The following STON2 variants were observed in gnomAD, a reference collection of about 807,000 sequenced individuals.
The protein encoded by STON2 is stonin-2.
A neutral mutation model predicts 65.7 loss-of-function variants in STON2; 29 were observed. That is an observed-to-expected ratio of 0.44 (90% CI 0.33 to 0.60). The LOEUF is 0.60. STON2 is among the 20% of genes least tolerant of loss of function. The pLI is 0.03. For missense variants in STON2, 1,054 were observed against 1,118.1 expected (o/e 0.94, Z 0.82); for synonymous variants, 404 against 414.2 (o/e 0.98, Z 0.30).
intron 5 of STON2, among the ~76,000 whole-genome samples, chr14:81,299,313 G>A (rs1289348260): frequency 6.6e-6 from 1 of 152,178 alleles, no homozygotes; most frequent in Non-Finnish European, 1.5e-5. Flanking sequence ...TACATTAACT[G>A]TAATAGTAAT....
chr14:81,300,312 A>C (rs1252132270), intron 5 of STON2, among the ~76,000 whole-genome samples: 1 of 152,086 alleles, frequency 6.6e-6, no homozygotes, highest in Non-Finnish European at 1.5e-5. Context: ...ACAGATCTAC[A>C]AGAAAGCCAA....
intron 1 of STON2, among the ~76,000 whole-genome samples, chr14:81,399,139 T>C (rs1162551750): frequency 1.3e-5 from 2 of 152,210 alleles, no homozygotes; most frequent in African/African-American, 2.4e-5. Flanking sequence ...GGAACATCTG[T>C]GGTAGTGAAA....
Position 81,262,630 on chromosome 14 carries a change from G to C in STON2, c.*5784C>G. 1.0e-6 allele frequency: 1 copy of C among 985,328 alleles called. No individual in the cohort carries two copies. Among genetic ancestry groups the C allele is most frequent in the East Asian group, 1.1e-4 (1 of 8,806 alleles). The allele number at this position is 985,328 out of a possible 1,614,324, so 61.0% of individuals were successfully genotyped here. On this transcript the variant is annotated 3_prime_UTR_variant, in exon 8 of 8. Coordinates refer to ENST00000614646, the MANE Select transcript of STON2 (RefSeq NM_001394390.1). The stretch of plus-strand genomic sequence containing the variant: ...TCCAATGATCATTTGCCTCTCTCCA[G>C]GCACTACCAAACTCATTACTGTGGA...
intron 4 of STON2, among the ~76,000 whole-genome samples, 184 bp downstream of exon 4, chr14:81,370,804 G>A (rs1026949206): frequency 2.0e-5 from 3 of 152,190 alleles, no homozygotes; most frequent in Non-Finnish European, 4.4e-5. Flanking sequence ...GATCCAATTT[G>A]TGTATACATC....
chr14:81,362,477 T>G (rs1898537022), intron 4 of STON2, among the ~76,000 whole-genome samples: 1 of 152,094 alleles, frequency 6.6e-6, no homozygotes, highest in Non-Finnish European at 1.5e-5. Flanking sequence ...TACCAGAGCC[T>G]AGGGAGATGC....
At chr14:81,293,114 G>A (rs879668324) in intron 5 of STON2, among the ~76,000 whole-genome samples, 19 of 151,934 alleles carry the variant, frequency 1.3e-4, no homozygotes, top group Middle Eastern at 3.4e-3. Context: ...GATAGTGGGG[G>A]CTAAGTTATT....
intron 4 of STON2, among the ~76,000 whole-genome samples, chr14:81,351,178 CTT>C (rs370421507): frequency 7.0e-5 from 9 of 127,914 alleles, no homozygotes; most frequent in African/African-American, 8.7e-5. Context: ...GTAAGCTCTT[CTT>C]TTTTTTTTTT....
At chr14:81,405,179 C>T (rs1183513767), upstream of STON2, among the ~76,000 whole-genome samples, 18 of 152,062 alleles carry the variant, frequency 1.2e-4, no homozygotes, top group Non-Finnish European at 4.4e-5. Context: ...TGTTTTTCTG[C>T]CCCTTTTCCA....
intron 1 of STON2, among the ~76,000 whole-genome samples, chr14:81,434,955 C>T (rs985027789): frequency 2.6e-5 from 4 of 151,274 alleles, no homozygotes; most frequent in Non-Finnish European, 4.4e-5. Flanking sequence ...AGTTTTTTTT[C>T]TCTCTCTCTC....
chr14:81,330,026 T>A (rs999143809), intron 4 of STON2, among the ~76,000 whole-genome samples: 78 of 152,310 alleles, frequency 5.1e-4, no homozygotes, highest in Non-Finnish European at 1.8e-4. Context: ...ATTAACACCA[T>A]CCCACGTTGG....
intron 4 of STON2, among the ~76,000 whole-genome samples, chr14:81,327,590 T>C (rs1474710954): frequency 6.6e-6 from 1 of 152,198 alleles, no homozygotes; most frequent in Admixed American, 6.5e-5. Context: ...AATCAATGCC[T>C]TGGTATTATT....
chr14:81,342,218 T>C (rs1943449598), intron 4 of STON2, among the ~76,000 whole-genome samples: 1 of 151,070 alleles, frequency 6.6e-6, no homozygotes, highest in Non-Finnish European at 1.5e-5. Flanking sequence ...CATTGCAACC[T>C]CTGCCTCCCA....
chr14:81,287,664 C>T (rs907856276), intron 5 of STON2, among the ~76,000 whole-genome samples: 7 of 152,150 alleles, frequency 4.6e-5, no homozygotes, highest in Admixed American at 2.6e-4. Flanking sequence ...GGACTATCCC[C>T]AGTTTATTCC....
chr14:81,399,588 G>C (rs1900500191), intron 1 of STON2, among the ~76,000 whole-genome samples: 1 of 152,110 alleles, frequency 6.6e-6, no homozygotes, highest in Non-Finnish European at 1.5e-5. Flanking sequence ...TGCTTTTTTG[G>C]TGTTTAAAAC....
intron 3 of STON2, among the ~76,000 whole-genome samples, chr14:81,383,606 T>C (rs1453473981): frequency 6.6e-6 from 1 of 152,124 alleles, no homozygotes; most frequent in Non-Finnish European, 1.5e-5. Flanking sequence ...ACCTTCAAAA[T>C]ACATCTGGAA....
intron 3 of STON2, among the ~76,000 whole-genome samples, chr14:81,391,345 A>G (rs975293683): frequency 3.3e-5 from 5 of 152,228 alleles, no homozygotes; most frequent in Non-Finnish European, 7.3e-5. Flanking sequence ...CATGCATTCA[A>G]ACATTTTGGA....
At position 81,261,770 on chromosome 14, in the gene STON2, G is replaced by A; in HGVS notation, c.*6644C>T. 6.6e-7 allele frequency: 1 copy of A among 1,510,156 alleles called. No individual in the cohort carries two copies. Among genetic ancestry groups the A allele is most frequent in the South Asian group, 1.3e-5 (1 of 79,306 alleles). 93.5% of individuals were successfully genotyped at this position (1,510,156 alleles called of 1,614,324 possible). On this transcript the variant is annotated 3_prime_UTR_variant, in exon 8 of 8. Transcript: ENST00000614646. ...ACATCTATTTTGGAGACCTGTCTGT[G>A]CCTCTTCATGCTCACACCATTGTTC...
chr14:81,290,327 C>T (rs1895504830), intron 5 of STON2, among the ~76,000 whole-genome samples: 1 of 152,130 alleles, frequency 6.6e-6, no homozygotes, highest in African/African-American at 2.4e-5. Flanking sequence ...TCATTTTGAA[C>T]CTTAGTGATG....
rs547505860 is a variant in STON2, at chr14:81,350,830, T to G, written c.571+20158A>C. ...GTACTCTGTACCAGCCACCATGGCT[T>G]GAGCACTTGATGTCCACTGATACTT... is the stretch of plus-strand genomic sequence containing the variant. On this transcript the variant is annotated intron_variant, in intron 4 of 7. Transcript: ENST00000614646. 3.3e-3 allele frequency among the ~76,000 whole-genome samples: 507 copies of G among 152,312 alleles called. 2 individuals carry two copies. The highest frequency in any genetic ancestry group is 5.9e-3 in the Non-Finnish European group (403 of 68,008).
Sources: allele counts gnomAD v4.1 joint callset (sites outside exome capture counted in the v4.1 genomes callset), GRCh38; gene constraint gnomAD v4.1.1; transcripts MANE v1.5; gene names NCBI Gene and HGNC (gene_info 2026-07-23, HGNC 2026-07-21).